The following NRG1 variants were observed in gnomAD, a reference collection of about 807,000 sequenced individuals.
The protein encoded by NRG1 is neuregulin 1.
A neutral mutation model predicts 63.8 loss-of-function variants in NRG1; 18 were observed. That is an observed-to-expected ratio of 0.28 (90% CI 0.19 to 0.42). NRG1 has a LOEUF of 0.42. Ranked by LOEUF, NRG1 falls within the 10% of genes least tolerant of loss-of-function variation. NRG1 has a pLI of 1.00. For missense variants in NRG1, 762 were observed against 814.7 expected (o/e 0.94, Z 0.79); for synonymous variants, 302 against 301.3 (o/e 1.00, Z -0.02).
intron 1 of NRG1, among the ~76,000 whole-genome samples, chr8:32,507,711 A>G (rs911483457): frequency 2.0e-5 from 3 of 152,140 alleles, no homozygotes; most frequent in Middle Eastern, 3.2e-3. Context: ...TCTTTGCCCA[A>G]ATGAGTGACA....
At chr8:32,022,672 A>T in intron 1 of NRG1, among the ~76,000 whole-genome samples, 1 of 152,224 alleles carries the variant, frequency 6.6e-6, no homozygotes, top group East Asian at 1.9e-4. Context: ...TGACGTATAC[A>T]ATCAACTGGA....
chr8:32,134,511 T>C (rs1835259411), intron 1 of NRG1, among the ~76,000 whole-genome samples: 1 of 152,188 alleles, frequency 6.6e-6, no homozygotes, highest in Non-Finnish European at 1.5e-5. Flanking sequence ...TTCCTGCCAA[T>C]TCTTACAGAC....
chr8:31,733,127 C>T (rs545086509), intron 1 of NRG1, among the ~76,000 whole-genome samples: 3 of 148,282 alleles, frequency 2.0e-5, no homozygotes, highest in African/African-American at 7.4e-5. Flanking sequence ...CATGTTGCTG[C>T]AAAAGACATG....
At chr8:31,958,718 G>C (rs967115690) in intron 1 of NRG1, among the ~76,000 whole-genome samples, 2 of 152,076 alleles carry the variant, frequency 1.3e-5, no homozygotes, top group Non-Finnish European at 2.9e-5. Flanking sequence ...ATAAGTTCTG[G>C]GATCAACTGA....
chr8:31,877,202 A>G, intron 1 of NRG1, among the ~76,000 whole-genome samples: 1 of 152,186 alleles, frequency 6.6e-6, no homozygotes, highest in East Asian at 1.9e-4. Flanking sequence ...TGGCCTTGTT[A>G]TAAATATAAG....
intron 1 of NRG1, among the ~76,000 whole-genome samples, chr8:32,302,623 T>C (rs796543378): frequency 5.8e-5 from 8 of 138,290 alleles, no homozygotes; most frequent in African/African-American, 2.2e-4. Flanking sequence ...CAGAAGTAAC[T>C]GTTTAATGAA....
At chr8:32,559,854 G>GAAA (rs1412298362) in intron 1 of NRG1, among the ~76,000 whole-genome samples, 1 of 146,738 alleles carries the variant, frequency 6.8e-6, no homozygotes, top group South Asian at 2.1e-4. Context: ...AAAAAAAAAA[G>GAAA]AAAGAAAAAG....
At chr8:32,552,280 T>C (rs1834301788) in intron 1 of NRG1, among the ~76,000 whole-genome samples, 1 of 150,540 alleles carries the variant, frequency 6.6e-6, no homozygotes, top group African/African-American at 2.5e-5. Context: ...TGATTCTCTG[T>C]CGATATGTTG....
At chr8:32,756,578 C>T in intron 9 of NRG1, 49 bp downstream of exon 9, 1 of 1,557,824 alleles carries the variant, frequency 6.4e-7, no homozygotes, top group Non-Finnish European at 8.7e-7. Flanking sequence ...CTCCTTTGTT[C>T]AGACGCCTTG....
chr8:31,839,886 T>C (rs911683929), intron 1 of NRG1, among the ~76,000 whole-genome samples: 3 of 152,014 alleles, frequency 2.0e-5, no homozygotes, highest in African/African-American at 7.3e-5. Context: ...AGGGACAGGA[T>C]TGTGGCCCTC....
intron 1 of NRG1, among the ~76,000 whole-genome samples, chr8:31,692,475 T>C (rs1809626342): frequency 6.6e-6 from 1 of 152,186 alleles, no homozygotes; most frequent in African/African-American, 2.4e-5. Context: ...TATATAAATA[T>C]ACATATAAAC....
chr8:31,664,204 T>C (rs1316815615), intron 1 of NRG1, among the ~76,000 whole-genome samples: 1 of 152,198 alleles, frequency 6.6e-6, no homozygotes, highest in African/African-American at 2.4e-5. Flanking sequence ...TGGATTCCTC[T>C]GTAGTCAAGA....
At chr8:32,616,970 G>T (rs1847488053) in intron 5 of NRG1, 85 bp downstream of exon 5, 2 of 1,020,568 alleles carry the variant, frequency 2.0e-6, no homozygotes, top group Non-Finnish European at 3.1e-6. Flanking sequence ...TCTATCTTCT[G>T]CCCCTATTAA....
intron 1 of NRG1, among the ~76,000 whole-genome samples, chr8:31,655,761 A>G (rs1453315076): frequency 6.6e-6 from 1 of 152,180 alleles, no homozygotes. Context: ...TTGAGACTGG[A>G]TGTGTGCCTG....
rs80263805 is a variant in NRG1 at position 32,337,788 on chromosome 8, T to A, written c.38-258040T>A. On this transcript the variant is annotated intron_variant, in intron 1 of 10. Coordinates refer to the NRG1 transcript ENST00000519301. ...CTGCATATCCCTGCAATCTATAAAG[T>A]CTGTTTTCTCTGACAGTGTCAGAGT... 8.3e-3 allele frequency among the ~76,000 whole-genome samples: 1,254 copies of A among 151,120 alleles called. 66 individuals carry two copies. Among genetic ancestry groups the A allele is most frequent in the Admixed American group, 0.076 (1,143 of 15,120 alleles).
At chr8:32,512,167 G>A (rs1829297172) in intron 1 of NRG1, among the ~76,000 whole-genome samples, 1 of 152,004 alleles carries the variant, frequency 6.6e-6, no homozygotes, top group Non-Finnish European at 1.5e-5. Context: ...AGCTTCTAGA[G>A]GAATTGGAAT....
At chr8:32,506,840 A>AC (rs2129498560) in intron 1 of NRG1, among the ~76,000 whole-genome samples, 1 of 152,152 alleles carries the variant, frequency 6.6e-6, no homozygotes, top group African/African-American at 2.4e-5. Flanking sequence ...TGATTGCACC[A>AC]CCGCACTCTA....
chr8:31,709,985 C>CAGAA, intron 1 of NRG1, among the ~76,000 whole-genome samples: 1 of 151,632 alleles, frequency 6.6e-6, no homozygotes, highest in Admixed American at 6.6e-5. Flanking sequence ...CTATAAATTT[C>CAGAA]ATTCAGAAAC....
intron 1 of NRG1, among the ~76,000 whole-genome samples, chr8:31,852,450 G>C (rs1169293967): frequency 6.6e-6 from 1 of 152,126 alleles, no homozygotes. Flanking sequence ...ACTTCTTGAT[G>C]GGGTTGTTTG....
Sources: allele counts gnomAD v4.1 joint callset (sites outside exome capture counted in the v4.1 genomes callset), GRCh38; gene constraint gnomAD v4.1.1; transcripts MANE v1.5; gene names NCBI Gene and HGNC (gene_info 2026-07-23, HGNC 2026-07-21).